The following FBXL7 variants were observed in gnomAD, a reference collection of about 807,000 sequenced individuals.
FBXL7 encodes the protein F-box and leucine rich repeat protein 7.
In FBXL7, 12 loss-of-function variants were observed where a neutral mutation model predicts 38.3. The observed-to-expected ratio is 0.31, with a 90% CI of 0.20 to 0.51. The LOEUF (loss-of-function observed/expected upper bound fraction) is 0.51, where lower values mean the gene tolerates loss of function less well. Among genes scored for constraint, FBXL7 ranks in the 20% least tolerant of loss-of-function variants. The probability of loss-of-function intolerance (pLI) is 0.98; values close to 1 mark genes in which losing one functional copy is unlikely to be tolerated. For synonymous variants in FBXL7, 297 were observed against 300.9 expected, an observed-to-expected ratio of 0.99 and a Z score of 0.13; for missense variants, 567 against 676.4, an observed-to-expected ratio of 0.84 and a Z score of 1.79.
At chr5:15,605,490 A>G (rs1183568542) in intron 1 of FBXL7, among the ~76,000 whole-genome samples, 2 of 152,194 alleles carry the variant, frequency 1.3e-5, no homozygotes, top group Non-Finnish European at 1.5e-5. Context: ...TACAGAAGAA[A>G]TAATATCGTG....
At chr5:15,905,677 G>T (rs1169468606) in intron 2 of FBXL7, among the ~76,000 whole-genome samples, 1 of 152,118 alleles carries the variant, frequency 6.6e-6, no homozygotes, top group Admixed American at 6.6e-5. Flanking sequence ...GTTAACATTT[G>T]CTGGCAAGAA....
chr5:15,581,186 A>G (rs1342531152), intron 1 of FBXL7, among the ~76,000 whole-genome samples: 1 of 152,206 alleles, frequency 6.6e-6, no homozygotes, highest in Non-Finnish European at 1.5e-5. Context: ...CATGTCAAAT[A>G]TCATTTTTAA....
intron 1 of FBXL7, among the ~76,000 whole-genome samples, chr5:15,540,602 T>A (rs1737712258): frequency 6.6e-6 from 1 of 152,214 alleles, no homozygotes; most frequent in South Asian, 2.1e-4. Flanking sequence ...TTCAAGATGC[T>A]ATAACAAAGT....
At chr5:15,816,022 G>A (rs1013289906) in intron 2 of FBXL7, among the ~76,000 whole-genome samples, 1 of 151,982 alleles carries the variant, frequency 6.6e-6, no homozygotes, top group Non-Finnish European at 1.5e-5. Flanking sequence ...AAAATGTTTG[G>A]CTGCTCAAAA....
intron 2 of FBXL7, among the ~76,000 whole-genome samples, chr5:15,815,276 A>C (rs1737984666): frequency 6.6e-6 from 1 of 152,164 alleles, no homozygotes; most frequent in Non-Finnish European, 1.5e-5. Context: ...TGCTTCTTGG[A>C]GGCAAGGAAA....
chr5:15,912,871 G>C (rs916923701), intron 2 of FBXL7, among the ~76,000 whole-genome samples: 1 of 152,106 alleles, frequency 6.6e-6, no homozygotes, highest in African/African-American at 2.4e-5. Context: ...TATGAACTTA[G>C]ACTGTAGTAG....
chr5:15,784,531 C>T (rs2126724495), intron 2 of FBXL7, among the ~76,000 whole-genome samples: 1 of 152,164 alleles, frequency 6.6e-6, no homozygotes, highest in South Asian at 2.1e-4. Flanking sequence ...GAAATGTAAT[C>T]CCCAGTGTTA....
At chr5:15,644,454 A>G (rs1449912164) in intron 2 of FBXL7, among the ~76,000 whole-genome samples, 1 of 152,094 alleles carries the variant, frequency 6.6e-6, no homozygotes, top group Non-Finnish European at 1.5e-5. Context: ...CAGCCTGGGC[A>G]ACAAGAGCGA....
At chr5:15,715,434 T>G (rs118034010) in intron 2 of FBXL7, among the ~76,000 whole-genome samples, 3,745 of 131,644 alleles carry the variant, frequency 0.028, 90 homozygotes, top group East Asian at 0.069. Context: ...GAGTTTGCAG[T>G]GGGCCGAGAT....
At chr5:15,884,298 G>T (rs761112405) in intron 2 of FBXL7, among the ~76,000 whole-genome samples, 1 of 150,334 alleles carries the variant, frequency 6.7e-6, no homozygotes, top group African/African-American at 2.5e-5. Context: ...ATGGAGTCTC[G>T]CTCTGTCTCC....
intron 2 of FBXL7, among the ~76,000 whole-genome samples, chr5:15,872,436 A>G (rs1419428212): frequency 3.9e-5 from 6 of 152,202 alleles, no homozygotes; most frequent in African/African-American, 1.4e-4. Flanking sequence ...TAACAATATT[A>G]ACCTTAAATG....
chr5:15,807,102 C>T (rs982418164), intron 2 of FBXL7, among the ~76,000 whole-genome samples: 29 of 152,112 alleles, frequency 1.9e-4, no homozygotes, highest in African/African-American at 7.0e-4. Flanking sequence ...CAGAAGCACA[C>T]CACCACGCCT....
intron 1 of FBXL7, among the ~76,000 whole-genome samples, chr5:15,590,443 C>T (rs1289669886): frequency 2.0e-5 from 3 of 152,100 alleles, no homozygotes; most frequent in East Asian, 3.9e-4. Flanking sequence ...TTCCTCACTG[C>T]TCTCTGGATA....
chr5:15,537,054 G>A (rs887556794), intron 1 of FBXL7, among the ~76,000 whole-genome samples: 1 of 152,140 alleles, frequency 6.6e-6, no homozygotes, highest in African/African-American at 2.4e-5. Flanking sequence ...CTGCTGCCTT[G>A]TAAGTCATGC....
intron 3 of FBXL7, among the ~76,000 whole-genome samples, chr5:15,930,303 G>A (rs1033482631): frequency 6.6e-6 from 1 of 152,180 alleles, no homozygotes; most frequent in East Asian, 1.9e-4. Flanking sequence ...TTCTAGATGT[G>A]TTTCCTCTTC....
chr5:15,715,547 G>T (rs1407332108), intron 2 of FBXL7, among the ~76,000 whole-genome samples: 2 of 150,630 alleles, frequency 1.3e-5, no homozygotes, highest in Admixed American at 1.3e-4. Flanking sequence ...TTTCTGTCTA[G>T]GACCAGATAG....
chr5:15,673,691 A>G (rs1277908986), intron 2 of FBXL7, among the ~76,000 whole-genome samples: 1 of 152,130 alleles, frequency 6.6e-6, no homozygotes, highest in Non-Finnish European at 1.5e-5. Context: ...TTGTCCTTTT[A>G]GTTATACCTC....
chr5:15,754,921 A>G (rs2126690492), intron 2 of FBXL7, among the ~76,000 whole-genome samples: 1 of 152,300 alleles, frequency 6.6e-6, no homozygotes, highest in Admixed American at 6.5e-5. Context: ...ACAATGACCA[A>G]AGTACCTGAC....
chr5:15,528,801 T>C (rs995088736), intron 1 of FBXL7, among the ~76,000 whole-genome samples: 3 of 147,510 alleles, frequency 2.0e-5, no homozygotes, highest in African/African-American at 8.1e-5. Flanking sequence ...TTAAAAATTA[T>C]TTATTTAGCC....
Sources: allele counts gnomAD v4.1 joint callset (sites outside exome capture counted in the v4.1 genomes callset), GRCh38; gene constraint gnomAD v4.1.1; transcripts MANE v1.5; gene names NCBI Gene and HGNC (gene_info 2026-07-23, HGNC 2026-07-21).